LPP: variants seen among roughly 807,000 people sequenced by gnomAD.
LPP encodes lipoma-preferred partner.
In LPP, 38 loss-of-function variants were observed where a neutral mutation model predicts 60.4. That is an observed-to-expected ratio of 0.63 (90% CI 0.49 to 0.83). The LOEUF (loss-of-function observed/expected upper bound fraction) is 0.83, where lower values mean the gene tolerates loss of function less well. Ranked by LOEUF, LPP falls within the 40% of genes least tolerant of loss-of-function variation. LPP has a pLI of 0.00. For missense variants in LPP, 902 were observed against 783.6 expected, an observed-to-expected ratio of 1.15 and a Z score of -1.80; for synonymous variants, 328 against 290.8, an observed-to-expected ratio of 1.13 and a Z score of -1.30.
At chr3:188,372,119 A>C (rs1020892927) in intron 3 of LPP, among the ~76,000 whole-genome samples, 2 of 152,016 alleles carry the variant, frequency 1.3e-5, no homozygotes, top group African/African-American at 4.8e-5. Context: ...ATAAGGTAGA[A>C]AGCCTTCCAT....
chr3:188,511,246 CCCTT>C (rs1815516759), intron 5 of LPP, among the ~76,000 whole-genome samples: 1 of 99,302 alleles, frequency 1.0e-5, no homozygotes, highest in African/African-American at 3.9e-5. Flanking sequence ...CTCCCTCACT[CCCTT>C]CCCTCCCTTC....
intron 4 of LPP, among the ~76,000 whole-genome samples, chr3:188,438,354 T>TC (rs374408127): frequency 7.2e-6 from 1 of 138,010 alleles, no homozygotes; most frequent in East Asian, 2.1e-4. Flanking sequence ...TTCCATGCAT[T>TC]ACACACACAC....
At chr3:188,540,243 T>C (rs1341853552) in intron 6 of LPP, among the ~76,000 whole-genome samples, 3 of 152,212 alleles carry the variant, frequency 2.0e-5, no homozygotes, top group Non-Finnish European at 4.4e-5. Flanking sequence ...GCCCATTCTA[T>C]CTTTGAGTTG....
intron 1 of LPP, among the ~76,000 whole-genome samples, chr3:188,168,946 C>T (rs1371304547): frequency 1.3e-5 from 2 of 152,200 alleles, no homozygotes; most frequent in Non-Finnish European, 2.9e-5. Context: ...TGTTTATCCC[C>T]ATCAGTTTGC....
intron 2 of LPP, among the ~76,000 whole-genome samples, chr3:188,340,785 G>A (rs1322197788): frequency 6.6e-6 from 1 of 152,152 alleles, no homozygotes; most frequent in Non-Finnish European, 1.5e-5. Context: ...GAGTGACATA[G>A]ATTAATATTT....
chr3:188,792,048 G>A (rs1323302306), intron 9 of LPP, among the ~76,000 whole-genome samples: 1 of 152,116 alleles, frequency 6.6e-6, no homozygotes, highest in Non-Finnish European at 1.5e-5. Context: ...ACCCAACCAA[G>A]TGCCCTGTTT....
At chr3:188,280,707 G>T (rs1043014014) in intron 2 of LPP, among the ~76,000 whole-genome samples, 1 of 152,052 alleles carries the variant, frequency 6.6e-6, no homozygotes, top group African/African-American at 2.4e-5. Context: ...GCCAGAACAG[G>T]GTCTTAACCA....
intron 2 of LPP, among the ~76,000 whole-genome samples, chr3:188,326,835 A>T (rs754205548): frequency 2.0e-5 from 3 of 152,012 alleles, no homozygotes; most frequent in Non-Finnish European, 4.4e-5. Context: ...TTCTATTCTT[A>T]GTATTGTGAG....
intron 6 of LPP, among the ~76,000 whole-genome samples, chr3:188,588,473 T>G (rs895026110): frequency 6.6e-6 from 1 of 152,182 alleles, no homozygotes; most frequent in Non-Finnish European, 1.5e-5. Context: ...TGATTCGTCT[T>G]CTTTACTTTA....
At chr3:188,495,175 TAAATATATAA>T in intron 5 of LPP, among the ~76,000 whole-genome samples, 2 of 55,806 alleles carry the variant, frequency 3.6e-5, no homozygotes, top group African/African-American at 1.1e-4. Context: ...TATATATTTA[TAAATATATAA>T]TATATATATT....
At chr3:188,309,788 T>C (rs2150248759) in intron 2 of LPP, among the ~76,000 whole-genome samples, 1 of 152,328 alleles carries the variant, frequency 6.6e-6, no homozygotes, top group East Asian at 1.9e-4. Flanking sequence ...GGGATTCATT[T>C]ACTGTAAGTT....
At chr3:188,628,536 A>C (rs774729270) in intron 7 of LPP, among the ~76,000 whole-genome samples, 10 of 152,144 alleles carry the variant, frequency 6.6e-5, no homozygotes, top group Non-Finnish European at 1.2e-4. Flanking sequence ...AAAACCTCAC[A>C]AGATTGAAGC....
intron 7 of LPP, among the ~76,000 whole-genome samples, chr3:188,673,619 G>A (rs1262761337): frequency 7.9e-5 from 12 of 152,022 alleles, no homozygotes; most frequent in East Asian, 1.9e-4. Context: ...CCAGTAGATC[G>A]TGACCATTCT....
intron 3 of LPP, among the ~76,000 whole-genome samples, chr3:188,378,286 CTG>C (rs984155925): frequency 6.6e-6 from 1 of 152,222 alleles, no homozygotes; most frequent in African/African-American, 2.4e-5. Flanking sequence ...TTTTGTTTGT[CTG>C]TGCCCTGCCC....
chr3:188,311,482 C>CTAAAA (rs1753401841), intron 2 of LPP, among the ~76,000 whole-genome samples: 1 of 93,672 alleles, frequency 1.1e-5, no homozygotes, highest in Non-Finnish European at 2.4e-5. Flanking sequence ...CTAAACTAAA[C>CTAAAA]TAAACTAAAC....
Position 188,373,644 on chromosome 3 carries a change from CCA to C in LPP, c.-10+31926_-10+31927del, listed in dbSNP as rs1578416861. On this transcript the variant is annotated intron_variant, in intron 3 of 11. Transcript: ENST00000617246. ...ATGAGTAGGTTGCAAAAATTTTCTC[CCA>C]TTCTGTAGGTTGCCTGTTCACTCTG... Among the ~76,000 whole-genome samples the C allele has an allele frequency of 5.9e-5, 9 of 151,968 alleles. No homozygotes were observed. The East Asian group carries it at 1.2e-3, about 20-fold the overall frequency.
Position 188,341,674 on chromosome 3 carries a change from G to T in LPP, c.-55G>T. ...TTTGTAAACACTAGCATTGCAGTTG[G>T]CTGAACCTTGTGTCAACCATCCATT... is the stretch of plus-strand genomic sequence containing the variant. On this transcript the variant is annotated 5_prime_UTR_variant, in exon 3 of 12. Transcript: ENST00000617246. 1.0e-6 allele frequency: 1 copy of T among 984,844 alleles called. No individual in the cohort carries two copies. Among genetic ancestry groups the T allele is most frequent in the Non-Finnish European group, 1.2e-6 (1 of 829,404 alleles). The allele number at this position is 984,844 out of a possible 1,614,324, so 61.0% of individuals were successfully genotyped here.
intron 8 of LPP, among the ~76,000 whole-genome samples, chr3:188,741,426 A>G (rs1186552076): frequency 1.3e-5 from 2 of 152,038 alleles, no homozygotes; most frequent in Admixed American, 1.3e-4. Flanking sequence ...CATCCTTTAT[A>G]TTTCCATATA....
At chr3:188,241,269 T>C (rs1724671673) in intron 2 of LPP, among the ~76,000 whole-genome samples, 2 of 152,338 alleles carry the variant, frequency 1.3e-5, no homozygotes, top group South Asian at 2.1e-4. Context: ...CTGAAGTACA[T>C]GCTGTACGTT....
Sources: gnomAD v4.1 joint callset for allele counts (sites outside exome capture counted in the v4.1 genomes callset) on GRCh38, gnomAD v4.1.1 for gene constraint, MANE v1.5 for transcripts, NCBI Gene and HGNC (gene_info 2026-07-23, HGNC 2026-07-21) for gene names.